FAAH2: variants seen among roughly 807,000 people sequenced by gnomAD.
FAAH2 encodes the protein fatty acid amide hydrolase 2, also known as fatty-acid amide hydrolase 2.
A neutral mutation model predicts 36.9 loss-of-function variants in FAAH2; 60 were observed. The ratio of observed to expected loss-of-function variants is 1.63; its 90% CI spans 1.32 to 2.02. The LOEUF (loss-of-function observed/expected upper bound fraction) is 2.02, where lower values mean the gene tolerates loss of function less well. Ranked by LOEUF, FAAH2 falls within the 30% of genes most tolerant of loss-of-function variation. FAAH2 has a pLI of 0.00. For synonymous variants in FAAH2, 214 were observed against 143.8 expected (o/e 1.49, Z -3.49); for missense variants, 689 against 397.5 (o/e 1.73, Z -6.23).
chrX:57,271,772 A>T, the FAAH2 span, among the ~76,000 whole-genome samples: 1 of 111,255 alleles, frequency 9.0e-6, no homozygotes, highest in African/African-American at 3.3e-5. Flanking sequence ...AAAGGTAGAT[A>T]AATCCACAAA....
At chrX:57,349,972 G>C (rs1424569175) in intron 5 of FAAH2, among the ~76,000 whole-genome samples, 2 of 110,569 alleles carry the variant, frequency 1.8e-5, no homozygotes, top group African/African-American at 6.6e-5. Context: ...ACTGTCTAAA[G>C]TCAGTGTGAA....
the FAAH2 span, among the ~76,000 whole-genome samples, chrX:57,174,221 T>TG: frequency 5.4e-5 from 6 of 110,494 alleles, no homozygotes; most frequent in African/African-American, 1.6e-4. Flanking sequence ...TTTTTTTTTT[T>TG]TTGTTCTTGG....
chrX:57,315,572 G>A (rs1482812160), intron 3 of FAAH2, among the ~76,000 whole-genome samples: 1 of 111,749 alleles, frequency 8.9e-6, no homozygotes, highest in Non-Finnish European at 1.9e-5. Flanking sequence ...TGATCAAGTA[G>A]GGATTATTCC....
chrX:57,247,661 T>A, the FAAH2 span, among the ~76,000 whole-genome samples: 4 of 112,065 alleles, frequency 3.6e-5, no homozygotes, highest in Non-Finnish European at 7.5e-5. Context: ...ACCACCATAT[T>A]TGTATTCCAG....
At chrX:57,282,176 A>G (rs2051760895), upstream of FAAH2, among the ~76,000 whole-genome samples, 1 of 112,123 alleles carries the variant, frequency 8.9e-6, no homozygotes, top group Admixed American at 9.5e-5. Context: ...ACTAACTTAT[A>G]TCGCCTATAG....
intron 2 of FAAH2, among the ~76,000 whole-genome samples, chrX:57,307,436 CA>C (rs2052573882): frequency 9.0e-6 from 1 of 110,544 alleles, no homozygotes; most frequent in Non-Finnish European, 1.9e-5. Flanking sequence ...AGCTGAGATA[CA>C]AAACTATGCA....
chrX:57,227,437 A>G, the FAAH2 span, among the ~76,000 whole-genome samples: 1 of 111,270 alleles, frequency 9.0e-6, no homozygotes, highest in Non-Finnish European at 1.9e-5. Flanking sequence ...CTAGCCACCC[A>G]GTGAGTCTAC....
In FAAH2 at chrX:57,431,825, C is replaced by A. The variant is rs548811587; in HGVS notation, c.997-93C>A. 7.3e-5 allele frequency: 36 copies of A among 491,133 alleles called. 1 individual carries two copies. In the East Asian group the frequency reaches 1.1e-3, roughly 16 times the overall value. 40.5% of individuals were successfully genotyped at this position (491,133 alleles called of 1,213,427 possible). A position where few individuals can be genotyped will look rare whatever the true frequency, so the allele number is the denominator to read the frequency against. Reference sequence around the variant, plus strand: ...TTTCCATGGGGCAATGAGGGCCTGGCGCTTTCTGCTCTGCCATCTTGCTGA... The same window carrying A: ...TTTCCATGGGGCAATGAGGGCCTGGAGCTTTCTGCTCTGCCATCTTGCTGA... On this transcript the variant is annotated intron_variant, in intron 7 of 10. Coordinates refer to ENST00000374900, the MANE Select transcript of FAAH2 (RefSeq NM_174912.4).
At chrX:57,128,478 C>G in the FAAH2 span, among the ~76,000 whole-genome samples, 1 of 111,522 alleles carries the variant, frequency 9.0e-6, no homozygotes, top group East Asian at 2.8e-4. Flanking sequence ...GACTATTTCC[C>G]TTAAAAATTA....
At chrX:57,431,351 A>G (rs2056289517) in intron 7 of FAAH2, among the ~76,000 whole-genome samples, 1 of 111,502 alleles carries the variant, frequency 9.0e-6, no homozygotes, top group African/African-American at 3.3e-5. Flanking sequence ...CGCTGCATGT[A>G]ATCTCTTGCT....
In FAAH2 at chrX:57,440,792, T is replaced by C. The variant is rs926449310; in HGVS notation, c.1117-6136T>C. On this transcript the variant is annotated intron_variant, in intron 8 of 10. Coordinates refer to ENST00000374900, the MANE Select transcript of FAAH2 (RefSeq NM_174912.4). Reference sequence around the variant, plus strand: ...ACACGTGCCATCAATACCTACTTTATGGAGGGTTTTTAGCATGAAGGGCTG... The same window carrying C: ...ACACGTGCCATCAATACCTACTTTACGGAGGGTTTTTAGCATGAAGGGCTG... Among the ~76,000 whole-genome samples, 8 of 111,855 alleles carry C rather than the reference T, an allele frequency of 7.2e-5. No individual in the cohort carries two copies. The South Asian group carries it at 3.0e-3, about 42-fold the overall frequency.
chrX:57,278,636 AAC>A, the FAAH2 span, among the ~76,000 whole-genome samples: 1 of 74,439 alleles, frequency 1.3e-5, no homozygotes, highest in African/African-American at 1.5e-4. Flanking sequence ...ATAACAATAA[AAC>A]AAAAAAAAAC....
intron 5 of FAAH2, among the ~76,000 whole-genome samples, chrX:57,368,159 T>A (rs1365636966): frequency 9.0e-6 from 1 of 110,603 alleles, no homozygotes; most frequent in African/African-American, 3.3e-5. Flanking sequence ...CAACCCTGGT[T>A]ACTCCAAGCC....
At chrX:57,366,129 A>G (rs2054407318) in intron 5 of FAAH2, among the ~76,000 whole-genome samples, 1 of 98,529 alleles carries the variant, frequency 1.0e-5, no homozygotes, top group East Asian at 3.6e-4. Flanking sequence ...GAGTTCTTGC[A>G]CTATTTCTTT....
At chrX:57,393,343 G>T in intron 7 of FAAH2, 1 of 778,881 alleles carries the variant, frequency 1.3e-6, no homozygotes, top group Non-Finnish European at 2.0e-6. Context: ...TTAGAGCGCT[G>T]ACAGTGGCAA....
intron 10 of FAAH2, among the ~76,000 whole-genome samples, chrX:57,453,780 G>A (rs977162655): frequency 2.7e-5 from 3 of 111,984 alleles, no homozygotes; most frequent in South Asian, 3.8e-4. Flanking sequence ...CCATCCCACA[G>A]CTCTTAGATG....
intron 8 of FAAH2, among the ~76,000 whole-genome samples, chrX:57,439,847 A>T (rs2056508400): frequency 8.9e-6 from 1 of 111,981 alleles, no homozygotes; most frequent in Admixed American, 9.5e-5. Context: ...AGCACCATTT[A>T]TTAAATAGGG....
the FAAH2 span, among the ~76,000 whole-genome samples, chrX:57,230,754 C>T: frequency 9.0e-6 from 1 of 111,198 alleles, no homozygotes; most frequent in Non-Finnish European, 1.9e-5. Context: ...TTATGAGGAC[C>T]TGAATAATTC....
intron 7 of FAAH2, among the ~76,000 whole-genome samples, chrX:57,425,113 C>T (rs1356847794): frequency 1.8e-5 from 2 of 110,969 alleles, no homozygotes; most frequent in Non-Finnish European, 3.8e-5. Context: ...GTAGACTAGG[C>T]CAGGTAGAAT....
Sources: gnomAD v4.1 joint callset for allele counts (sites outside exome capture counted in the v4.1 genomes callset) on GRCh38, gnomAD v4.1.1 for gene constraint, MANE v1.5 for transcripts, NCBI Gene and HGNC (gene_info 2026-07-23, HGNC 2026-07-21) for gene names.